The following RDX variants were observed in gnomAD, a reference collection of about 807,000 sequenced individuals.
The protein encoded by RDX is radixin.
A neutral mutation model predicts 83.7 loss-of-function variants in RDX; 32 were observed. That is an observed-to-expected ratio of 0.38 (90% CI 0.29 to 0.51). The LOEUF (loss-of-function observed/expected upper bound fraction) is 0.51. RDX is among the 20% of genes least tolerant of loss of function. RDX has a pLI of 0.87. For missense variants in RDX, 600 were observed against 689.9 expected, an observed-to-expected ratio of 0.87 and a Z score of 1.46; for synonymous variants, 229 against 222.7, an observed-to-expected ratio of 1.03 and a Z score of -0.25.
chr11:110,192,687 C>T (rs760653699), intron 15 of RDX, among the ~76,000 whole-genome samples: 63 of 152,020 alleles, frequency 4.1e-4, no homozygotes, highest in Non-Finnish European at 7.8e-4. Context: ...CAAATAACTC[C>T]ATTAAAAAGT....
chr11:110,238,529 T>G (rs1446226053), intron 10 of RDX, among the ~76,000 whole-genome samples: 1 of 152,212 alleles, frequency 6.6e-6, no homozygotes, highest in Non-Finnish European at 1.5e-5. Context: ...AATCTATATG[T>G]CATGAAATTT....
At chr11:110,240,819 C>T (rs1865063353) in intron 10 of RDX, among the ~76,000 whole-genome samples, 1 of 150,646 alleles carries the variant, frequency 6.6e-6, no homozygotes, top group East Asian at 1.9e-4. Flanking sequence ...TTTTGGGAGG[C>T]CGAGGTGGGC....
At chr11:110,274,748 A>G (rs1860444229) in intron 2 of RDX, among the ~76,000 whole-genome samples, 1 of 152,196 alleles carries the variant, frequency 6.6e-6, no homozygotes. Flanking sequence ...AGATTCATTG[A>G]TGTTTTTGTA....
Position 110,236,176 on chromosome 11 carries a change from C to T in RDX, c.1267G>A (p.Glu423Lys). ...NQEQLAAELA[E>K]FTAKIALLEE... ...AGAAGTGCAATCTTGGCAGTGAATT[C>T]AGCAAGTTCTGCTGCCTAAAGTAAA... Residue 423 changes from glutamate (E) to lysine (K), a missense_variant, in exon 12 of 14, where the codon GAA becomes AAA. Coordinates refer to ENST00000645495, the MANE Select transcript of RDX (RefSeq NM_002906.4). 6.2e-7 allele frequency: 1 copy of T among 1,612,596 alleles called. No individual in the cohort carries two copies.
chr11:110,204,496 CTTTCT>C (rs1342205956), intron 14 of RDX, among the ~76,000 whole-genome samples: 1 of 129,034 alleles, frequency 7.7e-6, no homozygotes, highest in Non-Finnish European at 1.7e-5. Context: ...AATTACTTTT[CTTTCT>C]TTTTTTTTTT....
intron 14 of RDX, among the ~76,000 whole-genome samples, chr11:110,204,725 C>A (rs1197143689): frequency 6.6e-6 from 1 of 152,100 alleles, no homozygotes; most frequent in Non-Finnish European, 1.5e-5. Flanking sequence ...CCATGTTGGT[C>A]AGGCTGGTCT....
At chr11:110,217,538 G>T (rs143236901) in intron 14 of RDX, among the ~76,000 whole-genome samples, 4 of 152,154 alleles carry the variant, frequency 2.6e-5, no homozygotes, top group Non-Finnish European at 4.4e-5. Context: ...GGAGAGCAGC[G>T]CAAGATATAA....
chr11:110,222,826 A>AATGG (rs1179061942), intron 14 of RDX, among the ~76,000 whole-genome samples: 1 of 152,148 alleles, frequency 6.6e-6, no homozygotes, highest in African/African-American at 2.4e-5. Context: ...TGAATGAATG[A>AATGG]ATGGACAGGG....
intron 1 of RDX, among the ~76,000 whole-genome samples, chr11:110,295,978 C>G (rs1861439312): frequency 6.6e-6 from 1 of 152,254 alleles, no homozygotes; most frequent in African/African-American, 2.4e-5. Context: ...TCCTTTCAAA[C>G]TGGAGGCCGG....
At chr11:110,236,961 G>C (rs1366708238) in intron 11 of RDX, among the ~76,000 whole-genome samples, 1 of 151,992 alleles carries the variant, frequency 6.6e-6, no homozygotes, top group East Asian at 1.9e-4. Flanking sequence ...GGCTCAGAAA[G>C]ACCCAAAGAC....
rs763049581 is a variant in RDX, at chr11:110,257,867, T to C, written c.598A>G (p.Met200Val). 2.5e-6 allele frequency: 4 copies of C among 1,612,548 alleles called. No individual in the cohort carries two copies. Among genetic ancestry groups the C allele is most frequent in the Admixed American group, 1.7e-5 (1 of 60,006 alleles). The part of the protein sequence containing the change: ...EYLKIAQDLE[M>V]YGVNYFEIKN... The stretch of plus-strand genomic sequence containing the variant: ...ATTTCAAAATAGTTGACTCCATACA[T>C]TTCTAGATCTTGTGCAATCTTCAGG... Residue 200 changes from methionine to valine, a missense_variant, in exon 7 of 14, where the codon ATG becomes GTG. By Grantham distance (21) the Met-to-Val change is conservative. Transcript: ENST00000645495.
chr11:110,215,986 C>CA (rs1864037555), intron 14 of RDX, among the ~76,000 whole-genome samples: 1 of 152,232 alleles, frequency 6.6e-6, no homozygotes, highest in South Asian at 2.1e-4. Context: ...TACACTGACA[C>CA]TTCCATCCCT....
At chr11:110,187,051 A>G (rs1174140184) in intron 15 of RDX, among the ~76,000 whole-genome samples, 1 of 152,090 alleles carries the variant, frequency 6.6e-6, no homozygotes, top group Non-Finnish European at 1.5e-5. Context: ...CCACGGCCAC[A>G]GTTTCTCCTG....
chr11:110,200,311 A>T (rs1863356504), intron 14 of RDX: 1 of 152,756 alleles, frequency 6.5e-6, no homozygotes. Context: ...TGCCGGAATT[A>T]AAGAGGTCAA....
chr11:110,250,527 C>G (rs920264703), intron 9 of RDX, among the ~76,000 whole-genome samples: 1 of 152,160 alleles, frequency 6.6e-6, no homozygotes, highest in Non-Finnish European at 1.5e-5. Flanking sequence ...AACTAAGAGC[C>G]TTTCAGACCC....
intron 12 of RDX, among the ~76,000 whole-genome samples, chr11:110,234,915 A>G (rs1864780977): frequency 6.6e-6 from 1 of 152,158 alleles, no homozygotes; most frequent in Non-Finnish European, 1.5e-5. Flanking sequence ...GGGTAAAAAA[A>G]TTATCTTTTC....
chr11:110,270,967 G>A (rs1860283439), intron 3 of RDX, among the ~76,000 whole-genome samples: 1 of 152,020 alleles, frequency 6.6e-6, no homozygotes, highest in Non-Finnish European at 1.5e-5. Flanking sequence ...TTCACAAACA[G>A]GAGGCACAGA....
intron 3 of RDX, among the ~76,000 whole-genome samples, chr11:110,267,025 C>G (rs1451634648): frequency 6.6e-6 from 1 of 152,052 alleles, no homozygotes; most frequent in Non-Finnish European, 1.5e-5. Context: ...ACCTCAGCCT[C>G]CCGAGTAGCT....
In RDX at chr11:110,229,616, G is replaced by A. The variant is rs1264792297; in HGVS notation, c.*2253C>T. 8.5e-5 allele frequency: 13 copies of A among 152,372 alleles called. No homozygotes were observed. The highest frequency in any genetic ancestry group is 7.2e-4 in the Admixed American group (11 of 15,250). 9.4% of individuals were successfully genotyped at this position (152,372 alleles called of 1,614,324 possible). On this transcript the variant is annotated 3_prime_UTR_variant, in exon 14 of 14. Transcript: ENST00000645495. ...ATTGACTATATGAACATGTGCTCGC[G>A]ACTGCTAATAAGTTATAATTGGTTT...
Sources: gnomAD v4.1 joint callset for allele counts (sites outside exome capture counted in the v4.1 genomes callset) on GRCh38, gnomAD v4.1.1 for gene constraint, MANE v1.5 for transcripts, NCBI Gene and HGNC (gene_info 2026-07-23, HGNC 2026-07-21) for gene names.